Variants in STRN observed in about 807,000 individuals in gnomAD.
STRN encodes the protein protein phosphatase 2 regulatory subunit B'''alpha.
STRN carries 53 observed loss-of-function variants against 96.3 expected under a neutral mutation model. That is an observed-to-expected ratio of 0.55 (90% CI 0.44 to 0.69). STRN has a LOEUF of 0.69. STRN is among the 30% of genes least tolerant of loss of function. STRN has a pLI of 0.00. For missense variants in STRN, 987 were observed against 963.9 expected (o/e 1.02, Z -0.32); for synonymous variants, 428 against 355.9 (o/e 1.20, Z -2.28).
At chr2:36,942,143 G>A (rs1483153792) in intron 1 of STRN, among the ~76,000 whole-genome samples, 1 of 152,114 alleles carries the variant, frequency 6.6e-6, no homozygotes, top group Non-Finnish European at 1.5e-5. Flanking sequence ...CACTGATAAA[G>A]GAGACTTACT....
intron 2 of STRN, among the ~76,000 whole-genome samples, chr2:36,920,783 A>C (rs986914751): frequency 1.1e-4 from 16 of 150,666 alleles, no homozygotes; most frequent in African/African-American, 3.9e-4. Flanking sequence ...TCCTAAAAAA[A>C]ATAAGCAACT....
intron 1 of STRN, among the ~76,000 whole-genome samples, chr2:36,950,283 T>A (rs1395957882): frequency 6.8e-6 from 1 of 147,546 alleles, no homozygotes; most frequent in Non-Finnish European, 1.5e-5. Context: ...TGGCTTGATC[T>A]CGGCTCACCG....
At chr2:36,893,694 T>G (rs1265211852) in intron 7 of STRN, among the ~76,000 whole-genome samples, 1 of 148,458 alleles carries the variant, frequency 6.7e-6, no homozygotes, top group Non-Finnish European at 1.5e-5. Context: ...ATTGTTGTTG[T>G]TTTTTTTTCT....
intron 14 of STRN, among the ~76,000 whole-genome samples, chr2:36,856,191 A>C (rs541399037): frequency 3.9e-5 from 6 of 152,370 alleles, no homozygotes; most frequent in Non-Finnish European, 8.8e-5. Flanking sequence ...ATGCAGAGCA[A>C]CTGGAATGCT....
chr2:36,883,072 G>T (rs1669116691), intron 9 of STRN, among the ~76,000 whole-genome samples: 1 of 152,098 alleles, frequency 6.6e-6, no homozygotes, highest in African/African-American at 2.4e-5. Flanking sequence ...TCATTTGTAT[G>T]ATTTTAAGAA....
At chr2:36,921,191 G>C (rs1476103132) in intron 2 of STRN, among the ~76,000 whole-genome samples, 1 of 152,088 alleles carries the variant, frequency 6.6e-6, no homozygotes, top group Non-Finnish European at 1.5e-5. Context: ...GGCTGCTTTA[G>C]TAAGGGTACC....
chr2:36,957,875 C>A (rs1421377555), intron 1 of STRN, among the ~76,000 whole-genome samples: 1 of 145,358 alleles, frequency 6.9e-6, no homozygotes, highest in Non-Finnish European at 1.5e-5. Flanking sequence ...CTCAGCCCCC[C>A]GAGTAGCTGG....
intron 5 of STRN, among the ~76,000 whole-genome samples, chr2:36,900,318 CTACTCT>C (rs1669650044): frequency 6.6e-6 from 1 of 151,900 alleles, no homozygotes; most frequent in Non-Finnish European, 1.5e-5. Context: ...CCGTTTTTCT[CTACTCT>C]TATTCTCTCT....
At chr2:36,959,733 A>G (rs1431508861) in intron 1 of STRN, among the ~76,000 whole-genome samples, 1 of 152,248 alleles carries the variant, frequency 6.6e-6, no homozygotes, top group East Asian at 1.9e-4. Flanking sequence ...AATACTAATA[A>G]AAGTGTTGAA....
chr2:36,928,418 G>A (rs1241972723), intron 1 of STRN, among the ~76,000 whole-genome samples: 8 of 152,194 alleles, frequency 5.3e-5, no homozygotes, highest in African/African-American at 1.2e-4. Context: ...TTGGGAGGCC[G>A]AGGCGGGGGG....
Position 36,841,779 on chromosome 2 carries a change from T to C in STRN, c.*7677A>G, listed in dbSNP as rs1667957982. On this transcript the variant is annotated 3_prime_UTR_variant, in exon 18 of 18. Transcript: ENST00000263918. ...GACACTTTGCCATGGGGCTCTAGGA[T>C]ACTTTTGATATATTTCCTAAAAATA... 2 of 152,184 alleles carry C rather than the reference T, an allele frequency of 1.3e-5. No individual in the cohort carries two copies. Among genetic ancestry groups the C allele is most frequent in the African/African-American group, 4.8e-5 (2 of 41,446 alleles). The allele number at this position is 152,184 out of a possible 1,614,324, so 9.4% of individuals were successfully genotyped here. A position where few individuals can be genotyped will look rare whatever the true frequency, so the allele number is the denominator to read the frequency against.
intron 11 of STRN, 105 bp from the exon 12 acceptor site, chr2:36,867,966 A>G: frequency 1.3e-6 from 1 of 757,834 alleles, no homozygotes; most frequent in South Asian, 2.3e-5. Flanking sequence ...ATGGGAATAT[A>G]CCATTCTCAA....
At chr2:36,869,326 A>G (rs1276768835) in intron 11 of STRN, among the ~76,000 whole-genome samples, 3 of 152,272 alleles carry the variant, frequency 2.0e-5, no homozygotes, top group African/African-American at 7.2e-5. Context: ...TGTAATCAGT[A>G]TTCACAAACC....
chr2:36,939,152 C>G (rs542674009), intron 1 of STRN, among the ~76,000 whole-genome samples: 1 of 151,814 alleles, frequency 6.6e-6, no homozygotes, highest in Non-Finnish European at 1.5e-5. Context: ...CAGGTCAGGT[C>G]GATCTCCTGA....
intron 1 of STRN, among the ~76,000 whole-genome samples, chr2:36,939,939 T>C (rs1012511584): frequency 2.0e-5 from 3 of 152,190 alleles, no homozygotes; most frequent in Admixed American, 1.3e-4. Context: ...TTCTAACCAA[T>C]ATACTGTAGT....
rs895817581 is a variant in STRN at position 36,838,589 on chromosome 2, A to C, written c.*10867T>G. Among the ~76,000 whole-genome samples the C allele has an allele frequency of 6.6e-6, 1 of 152,180 alleles. No individual in the cohort carries two copies. Among genetic ancestry groups the C allele is most frequent in the South Asian group, 2.1e-4 (1 of 4,830 alleles). On this transcript the variant is annotated 3_prime_UTR_variant, in exon 18 of 18. Transcript: ENST00000263918. ...TACAATAGTTATTGCCATGAGTATT[A>C]AGGGAAAAGTGTTTTTATACATTTA...
At chr2:36,874,150 G>C (rs946015314) in intron 10 of STRN, among the ~76,000 whole-genome samples, 2 of 151,662 alleles carry the variant, frequency 1.3e-5, no homozygotes, top group African/African-American at 4.8e-5. Flanking sequence ...TGCAGTCCCA[G>C]CTACATGGAT....
rs1667921983 is a variant in STRN at position 36,840,320 on chromosome 2, C to T, written c.*9136G>A. 6.6e-6 allele frequency: 1 copy of T among 152,298 alleles called. No individual in the cohort carries two copies. The highest frequency in any genetic ancestry group is 2.4e-5 in the African/African-American group (1 of 41,406). The allele number at this position is 152,298 out of a possible 1,614,324, so 9.4% of individuals were successfully genotyped here. A position where few individuals can be genotyped will look rare whatever the true frequency, so the allele number is the denominator to read the frequency against. ...GGGGGTCCGGGGATAGATGGGAGGT[C>T]ATCAACAGGGTTTAGGGACACCTTC... On this transcript the variant is annotated 3_prime_UTR_variant, in exon 18 of 18. Transcript: ENST00000263918.
intron 1 of STRN, among the ~76,000 whole-genome samples, chr2:36,925,765 T>G (rs1395771336): frequency 6.6e-6 from 1 of 152,112 alleles, no homozygotes; most frequent in Non-Finnish European, 1.5e-5. Flanking sequence ...AGAGTGAGAC[T>G]CCATATCAAA....
Sources: gnomAD v4.1 joint callset for allele counts (sites outside exome capture counted in the v4.1 genomes callset) on GRCh38, gnomAD v4.1.1 for gene constraint, MANE v1.5 for transcripts, NCBI Gene and HGNC (gene_info 2026-07-23, HGNC 2026-07-21) for gene names.